RIT2: variants seen among roughly 807,000 people sequenced by gnomAD.
The protein encoded by RIT2 is GTP-binding protein Rit2.
A neutral mutation model predicts 23.7 loss-of-function variants in RIT2; 24 were observed. The observed-to-expected ratio is 1.01, with a 90% CI of 0.73 to 1.43. The LOEUF is 1.43. Among genes scored for constraint, RIT2 ranks in the 40% most tolerant of loss-of-function variants. The pLI is 0.00. For synonymous variants in RIT2, 107 were observed against 91.1 expected, an observed-to-expected ratio of 1.17 and a Z score of -0.99; for missense variants, 236 against 266.9, an observed-to-expected ratio of 0.88 and a Z score of 0.81.
chr18:42,917,855 C>T (rs1908952259), intron 4 of RIT2, among the ~76,000 whole-genome samples: 1 of 152,056 alleles, frequency 6.6e-6, no homozygotes, highest in Admixed American at 6.6e-5. Context: ...GAGTTGTGCT[C>T]AATGCCATCT....
chr18:42,893,073 G>A (rs1273374067), intron 4 of RIT2, among the ~76,000 whole-genome samples: 2 of 151,858 alleles, frequency 1.3e-5, no homozygotes, highest in East Asian at 1.9e-4. Context: ...CATTTTAAAA[G>A]CTAACTCTCC....
chr18:42,993,344 T>C (rs1173565692), intron 2 of RIT2, among the ~76,000 whole-genome samples: 3 of 152,208 alleles, frequency 2.0e-5, no homozygotes, highest in Non-Finnish European at 4.4e-5. Context: ...GCTTAGTGGC[T>C]GAAGACTGAC....
chr18:42,753,680 C>A (rs1482321447), intron 4 of RIT2, among the ~76,000 whole-genome samples: 1 of 152,148 alleles, frequency 6.6e-6, no homozygotes, highest in African/African-American at 2.4e-5. Context: ...AACAACACAT[C>A]TTATTTGCTA....
chr18:43,014,205 T>C lies in RIT2; in HGVS notation c.160+19606A>G, dbSNP rs563212950. Among the ~76,000 whole-genome samples, 5 of 151,738 alleles carry C rather than the reference T, an allele frequency of 3.3e-5. No individual in the cohort carries two copies. In the South Asian group the frequency reaches 1.0e-3, roughly 32 times the overall value. ...AAAGCACAGAGAATTGAGGCAGAAG[T>C]AGAGGTAGAACAAGGCATAAGAACA... On this transcript the variant is annotated intron_variant, in intron 2 of 4. Transcript: ENST00000326695.
At chr18:42,960,321 T>G (rs1166952941) in intron 3 of RIT2, among the ~76,000 whole-genome samples, 2 of 152,156 alleles carry the variant, frequency 1.3e-5, no homozygotes, top group African/African-American at 4.8e-5. Flanking sequence ...TTTTTGTTTT[T>G]GTTTTTGAGA....
intron 4 of RIT2, among the ~76,000 whole-genome samples, chr18:42,817,857 C>T (rs1334624755): frequency 5.9e-5 from 9 of 151,856 alleles, no homozygotes; most frequent in South Asian, 2.1e-4. Flanking sequence ...CCTAATATAG[C>T]GCATGCACAA....
intron 4 of RIT2, among the ~76,000 whole-genome samples, chr18:42,759,798 C>T (rs1230573145): frequency 6.7e-6 from 1 of 148,834 alleles, no homozygotes; most frequent in Non-Finnish European, 1.5e-5. Flanking sequence ...TTTTTCAAGC[C>T]CGAGTTTTGC....
intron 1 of RIT2, among the ~76,000 whole-genome samples, chr18:43,071,006 C>A (rs763605861): frequency 7.2e-5 from 11 of 151,934 alleles, no homozygotes; most frequent in African/African-American, 2.7e-4. Flanking sequence ...AATATAGGAA[C>A]AAAAAAAGAA....
intron 3 of RIT2, among the ~76,000 whole-genome samples, chr18:42,935,202 G>T (rs1909422791): frequency 6.6e-6 from 1 of 152,166 alleles, no homozygotes; most frequent in African/African-American, 2.4e-5. Flanking sequence ...AAGATACAAG[G>T]TCTAACTGTG....
chr18:43,076,171 T>C (rs1913009406), intron 1 of RIT2, among the ~76,000 whole-genome samples: 1 of 152,202 alleles, frequency 6.6e-6, no homozygotes, highest in Non-Finnish European at 1.5e-5. Context: ...GAGAATATAT[T>C]ATTTATTTCT....
At chr18:42,859,819 G>A (rs1907279565) in intron 4 of RIT2, among the ~76,000 whole-genome samples, 1 of 151,570 alleles carries the variant, frequency 6.6e-6, no homozygotes, top group Non-Finnish European at 1.5e-5. Context: ...TCCCAGGCTG[G>A]AGTGCAGTCA....
intron 4 of RIT2, among the ~76,000 whole-genome samples, chr18:42,753,346 T>G (rs2143887001): frequency 6.6e-6 from 1 of 152,328 alleles, no homozygotes; most frequent in South Asian, 2.1e-4. Context: ...CCTAATAAGC[T>G]ATATAATTCC....
At chr18:42,758,348 A>G (rs1913214005) in intron 4 of RIT2, among the ~76,000 whole-genome samples, 2 of 152,158 alleles carry the variant, frequency 1.3e-5, no homozygotes, top group African/African-American at 4.8e-5. Context: ...GGTTTTGCAA[A>G]AGTACCATTC....
intron 1 of RIT2, among the ~76,000 whole-genome samples, chr18:43,103,146 A>G (rs538850134): frequency 1.2e-4 from 18 of 152,166 alleles, no homozygotes; most frequent in African/African-American, 4.3e-4. Context: ...CCCTTACCCT[A>G]TACTTACATA....
chr18:42,788,423 TA>T (rs1219547815), intron 4 of RIT2, among the ~76,000 whole-genome samples: 3 of 152,174 alleles, frequency 2.0e-5, no homozygotes, highest in African/African-American at 7.2e-5. Flanking sequence ...ACCAAGTTAA[TA>T]AATGCTCCAC....
At chr18:43,114,207 TGACCAC>T (rs1391261795) in intron 1 of RIT2, among the ~76,000 whole-genome samples, 1 of 152,216 alleles carries the variant, frequency 6.6e-6, no homozygotes, top group Admixed American at 6.5e-5. Context: ...ATTTTGCTAC[TGACCAC>T]ATCCAGATGT....
chr18:43,013,915 T>G (rs963188562), intron 2 of RIT2, among the ~76,000 whole-genome samples: 3 of 151,908 alleles, frequency 2.0e-5, no homozygotes, highest in Admixed American at 6.6e-5. Context: ...CACTAAATGC[T>G]GCCATCGTTG....
chr18:42,775,565 C>T (rs1292696415), intron 4 of RIT2, among the ~76,000 whole-genome samples: 1 of 151,898 alleles, frequency 6.6e-6, no homozygotes, highest in Non-Finnish European at 1.5e-5. Flanking sequence ...GTCGTGGTGG[C>T]GGGCGCCTGT....
chr18:42,794,605 T>TA (rs1394665556), intron 4 of RIT2, among the ~76,000 whole-genome samples: 5 of 152,230 alleles, frequency 3.3e-5, no homozygotes, highest in Admixed American at 6.5e-5. Flanking sequence ...ACACAGTTTA[T>TA]ATCTCTGATT....
Sources: gnomAD v4.1 joint callset for allele counts (sites outside exome capture counted in the v4.1 genomes callset) on GRCh38, gnomAD v4.1.1 for gene constraint, MANE v1.5 for transcripts, NCBI Gene and HGNC (gene_info 2026-07-23, HGNC 2026-07-21) for gene names.